The following TSPAN18 variants were observed in gnomAD, a reference collection of about 807,000 sequenced individuals.
The protein encoded by TSPAN18 is tetraspanin-18.
Under a neutral mutation model 27.3 loss-of-function variants are expected in TSPAN18, and 14 were observed. The observed-to-expected ratio is 0.51, with a 90% CI of 0.34 to 0.80. The LOEUF is 0.80. Among genes scored for constraint, TSPAN18 ranks in the 30% least tolerant of loss-of-function variants. The probability of loss-of-function intolerance (pLI) is 0.01; values close to 1 mark genes in which losing one functional copy is unlikely to be tolerated. For missense variants in TSPAN18, 268 were observed against 323.9 expected, an observed-to-expected ratio of 0.83 and a Z score of 1.32; for synonymous variants, 143 against 136.5, an observed-to-expected ratio of 1.05 and a Z score of -0.33.
At position 44,805,124 on chromosome 11, in the gene TSPAN18, C is replaced by T. The variant is rs536262436; in HGVS notation, c.-153+40612C>T. Among the ~76,000 whole-genome samples the T allele has an allele frequency of 7.9e-5, 12 of 152,314 alleles. No homozygotes were observed. The East Asian group carries it at 1.7e-3, about 22-fold the overall frequency. On this transcript the variant is annotated intron_variant, in intron 2 of 9. Coordinates refer to ENST00000520358, the MANE Select transcript of TSPAN18 (RefSeq NM_130783.5). The stretch of plus-strand genomic sequence containing the variant: ...ATGGGCGGGAGCAGCCGGCACTGGA[C>T]GCTGCCCAGCAGAAACAGAGCTGGT...
At chr11:44,864,413 T>C (rs186378826) in intron 3 of TSPAN18, among the ~76,000 whole-genome samples, 5 of 152,260 alleles carry the variant, frequency 3.3e-5, no homozygotes, top group Admixed American at 1.3e-4. Flanking sequence ...CAACACTTCA[T>C]TGAGCACTTA....
chr11:44,774,693 A>G (rs1855764923), intron 2 of TSPAN18, among the ~76,000 whole-genome samples: 1 of 151,906 alleles, frequency 6.6e-6, no homozygotes, highest in Non-Finnish European at 1.5e-5. Context: ...TTCACTAGGC[A>G]TCCACTGGGG....
intron 2 of TSPAN18, among the ~76,000 whole-genome samples, chr11:44,829,392 T>G (rs1196826750): frequency 6.6e-6 from 1 of 152,208 alleles, no homozygotes; most frequent in Non-Finnish European, 1.5e-5. Context: ...TTTACACTCA[T>G]CATAGTTTTG....
At chr11:44,867,919 A>G (rs529140682) in intron 3 of TSPAN18, among the ~76,000 whole-genome samples, 10 of 152,328 alleles carry the variant, frequency 6.6e-5, no homozygotes, top group Non-Finnish European at 1.5e-4. Context: ...GCTTTTCCCC[A>G]GGAGCACTGG....
intron 2 of TSPAN18, among the ~76,000 whole-genome samples, chr11:44,811,253 G>A (rs1161976725): frequency 6.6e-6 from 1 of 151,038 alleles, no homozygotes; most frequent in Non-Finnish European, 1.5e-5. Flanking sequence ...CACCTCTGTT[G>A]ATGTTTATTC....
chr11:44,918,471 G>A (rs1859996643), intron 6 of TSPAN18, among the ~76,000 whole-genome samples: 1 of 151,996 alleles, frequency 6.6e-6, no homozygotes, highest in South Asian at 2.1e-4. Context: ...AGAGGCCACA[G>A]GCAGCTGGAG....
intron 1 of TSPAN18, among the ~76,000 whole-genome samples, chr11:44,731,735 G>A (rs1227276482): frequency 6.6e-6 from 1 of 151,526 alleles, no homozygotes; most frequent in African/African-American, 2.4e-5. Context: ...CCTCATTGAG[G>A]GACTCCTGAA....
At chr11:44,825,765 A>G (rs1159210095) in intron 2 of TSPAN18, among the ~76,000 whole-genome samples, 3 of 152,118 alleles carry the variant, frequency 2.0e-5, no homozygotes, top group Non-Finnish European at 2.9e-5. Context: ...AGACAAGGCC[A>G]TTTCACGGAT....
intron 2 of TSPAN18, among the ~76,000 whole-genome samples, chr11:44,814,438 C>G (rs1331281202): frequency 6.6e-6 from 1 of 152,100 alleles, no homozygotes; most frequent in Non-Finnish European, 1.5e-5. Context: ...GATGTGTGAA[C>G]CCCTTCCAGA....
chr11:44,848,393 A>T (rs1394439058), intron 2 of TSPAN18, among the ~76,000 whole-genome samples: 4 of 152,132 alleles, frequency 2.6e-5, no homozygotes, highest in African/African-American at 7.2e-5. Flanking sequence ...CCTTCCCCCA[A>T]GGAGTGCGCC....
chr11:44,791,023 C>T (rs1325754371), intron 2 of TSPAN18, among the ~76,000 whole-genome samples: 2 of 152,216 alleles, frequency 1.3e-5, no homozygotes, highest in Admixed American at 1.3e-4. Flanking sequence ...TGAGACTTCT[C>T]TCCAGACCCT....
At chr11:44,786,062 C>T (rs906876165) in intron 2 of TSPAN18, among the ~76,000 whole-genome samples, 1 of 152,254 alleles carries the variant, frequency 6.6e-6, no homozygotes, top group Non-Finnish European at 1.5e-5. Context: ...GCGAGGGCCC[C>T]ACCCAGCTAG....
chr11:44,831,169 C>G (rs1047775126), intron 2 of TSPAN18, among the ~76,000 whole-genome samples: 1 of 152,130 alleles, frequency 6.6e-6, no homozygotes, highest in African/African-American at 2.4e-5. Flanking sequence ...TATGCCAGTA[C>G]TGTGTTATGC....
chr11:44,726,663 A>G (rs1248019244), upstream of TSPAN18: 2 of 151,686 alleles, frequency 1.3e-5, no homozygotes, highest in Admixed American at 1.3e-4. Context: ...TCCCGCAACG[A>G]TCTTCCGAAT....
intron 1 of TSPAN18, among the ~76,000 whole-genome samples, chr11:44,742,112 G>T (rs949373306): frequency 1.3e-5 from 2 of 152,164 alleles, no homozygotes; most frequent in African/African-American, 4.8e-5. Context: ...GCAGGTGGAG[G>T]GGGTATGAGA....
intron 2 of TSPAN18, among the ~76,000 whole-genome samples, chr11:44,777,815 G>A (rs973177058): frequency 3.9e-5 from 6 of 152,070 alleles, no homozygotes; most frequent in Middle Eastern, 3.2e-3. Context: ...CCGGGTAGAC[G>A]TGCCAATTTA....
intron 2 of TSPAN18, among the ~76,000 whole-genome samples, chr11:44,820,979 G>A (rs779120312): frequency 6.6e-6 from 1 of 152,144 alleles, no homozygotes; most frequent in East Asian, 1.9e-4. Flanking sequence ...GTAGAACAAT[G>A]AGCCAAGTAA....
chr11:44,920,824 C>T (rs1860104147), intron 8 of TSPAN18, among the ~76,000 whole-genome samples: 1 of 152,198 alleles, frequency 6.6e-6, no homozygotes. Flanking sequence ...GCCCCTGTTC[C>T]TGCGAGGCTC....
intron 2 of TSPAN18, among the ~76,000 whole-genome samples, chr11:44,795,073 C>A (rs1856317614): frequency 7.4e-6 from 1 of 135,628 alleles, no homozygotes; most frequent in South Asian, 2.9e-4. Context: ...CATTGGAACC[C>A]CCACCCCCAC....
Sources: allele counts gnomAD v4.1 joint callset (sites outside exome capture counted in the v4.1 genomes callset), GRCh38; gene constraint gnomAD v4.1.1; transcripts MANE v1.5; gene names NCBI Gene and HGNC (gene_info 2026-07-23, HGNC 2026-07-21).